Variants in TM6SF1 observed in about 807,000 individuals in gnomAD.
TM6SF1 encodes transmembrane 6 superfamily member 1.
In TM6SF1, 43 loss-of-function variants were observed where a neutral mutation model predicts 47.1. The ratio of observed to expected loss-of-function variants is 0.91; its 90% CI spans 0.72 to 1.18. The LOEUF (loss-of-function observed/expected upper bound fraction) is 1.18. TM6SF1 is among the 50% of genes most tolerant of loss of function. TM6SF1 has a pLI of 0.00. For missense variants in TM6SF1, 390 were observed against 449.0 expected (o/e 0.87, Z 1.19); for synonymous variants, 177 against 166.3 (o/e 1.06, Z -0.49).
At chr15:83,124,633 C>A in intron 6 of TM6SF1, 39 bp from the exon 7 acceptor site, 1 of 1,501,994 alleles carries the variant, frequency 6.7e-7, no homozygotes, top group Non-Finnish European at 9.2e-7. Context: ...TCTTCTTTGG[C>A]ACTTTGGGCC....
chr15:83,112,981 T>C (rs2034325715), intron 2 of TM6SF1, 81 bp downstream of exon 2: 1 of 1,175,984 alleles, frequency 8.5e-7, no homozygotes, highest in African/African-American at 1.5e-5. Flanking sequence ...TCCTCCTTGG[T>C]TGTGAATACT....
At chr15:83,122,619 T>G in intron 5 of TM6SF1, 138 bp from the exon 6 acceptor site, 1 of 859,558 alleles carries the variant, frequency 1.2e-6, no homozygotes, top group Non-Finnish European at 1.8e-6. Flanking sequence ...TAAATTGACC[T>G]TTTTAATTTG....
chr15:83,119,839 T>G, intron 4 of TM6SF1, 158 bp downstream of exon 4: 2 of 1,129,940 alleles, frequency 1.8e-6, no homozygotes, highest in Non-Finnish European at 1.2e-6. Context: ...ATCCTCCTTG[T>G]ACCACTGCCT....
intron 4 of TM6SF1, among the ~76,000 whole-genome samples, chr15:83,120,587 CTT>C (rs993490763): frequency 3.4e-4 from 43 of 125,900 alleles, no homozygotes; most frequent in South Asian, 8.5e-4. Flanking sequence ...CCAGCTAATT[CTT>C]TTTTTTTTTT....
At chr15:83,121,093 C>T (rs758314965) in intron 4 of TM6SF1, among the ~76,000 whole-genome samples, 11 of 151,306 alleles carry the variant, frequency 7.3e-5, no homozygotes, top group Non-Finnish European at 1.3e-4. Context: ...TATTTTGAGA[C>T]GGAGTCTCGC....
chr15:83,123,722 A>C (rs1463810998), intron 6 of TM6SF1, among the ~76,000 whole-genome samples: 1 of 152,236 alleles, frequency 6.6e-6, no homozygotes, highest in East Asian at 1.9e-4. Context: ...GCTGTTAAAA[A>C]GAAAAAGCAA....
At chr15:83,123,029 C>T (rs2035417177) in intron 6 of TM6SF1, 151 bp downstream of exon 6, 6 of 847,628 alleles carry the variant, frequency 7.1e-6, no homozygotes, top group Admixed American at 3.0e-5. Context: ...CATTAGCTTA[C>T]GTATTAATTA....
Position 83,124,843 on chromosome 15 carries a change from T to G in TM6SF1, c.708+67T>G, listed in dbSNP as rs1489580371. 6 of 1,335,816 alleles carry G rather than the reference T, an allele frequency of 4.5e-6. No individual in the cohort carries two copies. The Admixed American group carries it at 1.1e-4, about 24-fold the overall frequency. The allele number at this position is 1,335,816 out of a possible 1,614,324, so 82.7% of individuals were successfully genotyped here. ...CTCACATTTCCAAATGGAAAAAAAC[T>G]TAGAAATATGTTTTTGTTTTTCCAT... On this transcript the variant is annotated intron_variant, in intron 7 of 9. Transcript: ENST00000322019.
intron 3 of TM6SF1, among the ~76,000 whole-genome samples, chr15:83,117,550 A>G (rs887302102): frequency 6.6e-6 from 1 of 152,294 alleles, no homozygotes; most frequent in Non-Finnish European, 1.5e-5. Flanking sequence ...AGTGGGGGCC[A>G]TGGAGCCCAG....
rs772960781 is a variant in TM6SF1 at position 83,136,434 on chromosome 15, TGAA to T, written c.922-46_922-44del. The T allele has an allele frequency of 4.6e-6, 7 of 1,512,114 alleles. No individual in the cohort carries two copies. The East Asian group carries it at 1.6e-4, about 34-fold the overall frequency. 93.7% of individuals were successfully genotyped at this position (1,512,114 alleles called of 1,614,324 possible). On this transcript the variant is annotated intron_variant, in intron 9 of 9. Transcript: ENST00000322019. Reference sequence around the variant, plus strand: ...ATTCAGAACTCATCATGCATCCAACTGAACACGTTTCATGCTTACTCAATTTTT... The same window carrying T: ...ATTCAGAACTCATCATGCATCCAACTCACGTTTCATGCTTACTCAATTTTT...
intron 9 of TM6SF1, chr15:83,136,266 G>T (rs1446241248): frequency 2.4e-6 from 1 of 413,134 alleles, no homozygotes; most frequent in African/African-American, 2.0e-5. Context: ...TATTTGAACA[G>T]TCATATCAAG....
intron 1 of TM6SF1, among the ~76,000 whole-genome samples, chr15:83,111,877 T>G (rs1202757582): frequency 6.6e-6 from 1 of 152,214 alleles, no homozygotes; most frequent in Non-Finnish European, 1.5e-5. Context: ...TCCTAGGGCC[T>G]GCAACAATGG....
chr15:83,127,806 C>T (rs532748574), intron 9 of TM6SF1: 87 of 274,982 alleles, frequency 3.2e-4, no homozygotes, highest in African/African-American at 2.0e-3. Flanking sequence ...ACCATGGCTA[C>T]TAAAAAAGGA....
chr15:83,127,929 T>C lies in TM6SF1; in HGVS notation c.921+452T>C, dbSNP rs558068296. The C allele has an allele frequency of 5.1e-5, 8 of 157,816 alleles. No homozygotes were observed. The South Asian group carries it at 1.5e-3, about 29-fold the overall frequency. The allele number at this position is 157,816 out of a possible 1,614,324, so 9.8% of individuals were successfully genotyped here. A position where few individuals can be genotyped will look rare whatever the true frequency, so the allele number is the denominator to read the frequency against. ...TTTAAAAAATGTTCTGGGCCTGTCA[T>C]TTCATTCCTTTTCCGCTGGCACCTT... On this transcript the variant is annotated intron_variant, in intron 9 of 9. Coordinates refer to ENST00000322019, the MANE Select transcript of TM6SF1 (RefSeq NM_023003.5).
At chr15:83,112,359 T>C (rs995332017) in intron 1 of TM6SF1, among the ~76,000 whole-genome samples, 1 of 152,186 alleles carries the variant, frequency 6.6e-6, no homozygotes, top group Admixed American at 6.5e-5. Flanking sequence ...GCCTATATAT[T>C]CCTTGGAGCT....
At chr15:83,133,662 G>A (rs1190947687) in intron 9 of TM6SF1, 1 of 152,210 alleles carries the variant, frequency 6.6e-6, no homozygotes, top group African/African-American at 2.4e-5. Context: ...TGAGTTCACT[G>A]AGCCACCTGA....
chr15:83,136,551 C>T lies in TM6SF1; in HGVS notation c.992C>T (p.Ala331Val). The change falls in exon 10 of 10, where the codon GCA becomes GTA. Residue 331 changes from alanine to valine, a missense_variant. Physicochemically the swap from Ala to Val is moderately conservative, Grantham distance 64. Coordinates refer to ENST00000322019, the MANE Select transcript of TM6SF1 (RefSeq NM_023003.5). The part of the protein sequence containing the change: ...TAYVYRVPEE[A>V]KILFLALNIA... ...TATGTCTACAGAGTCCCTGAAGAAG[C>T]AAAAATCCTTTTTTTAGCATTAAAC... The T allele has an allele frequency of 1.2e-6, 2 of 1,613,490 alleles. No homozygotes were observed. The highest frequency in any genetic ancestry group is 2.2e-5 in the South Asian group (2 of 90,980).
chr15:83,122,677 T>A (rs2151365119), intron 5 of TM6SF1, 80 bp from the exon 6 acceptor site: 1 of 1,513,062 alleles, frequency 6.6e-7, no homozygotes, highest in East Asian at 2.3e-5. Flanking sequence ...TTAGATGACC[T>A]GAGATGGGGA....
chr15:83,131,496 G>A (rs1024023511), intron 9 of TM6SF1: 1 of 152,356 alleles, frequency 6.6e-6, no homozygotes, highest in African/African-American at 2.4e-5. Flanking sequence ...GCTGGGTGTG[G>A]TGGTGGGCAT....
Sources: gnomAD v4.1 joint callset for allele counts (sites outside exome capture counted in the v4.1 genomes callset) on GRCh38, gnomAD v4.1.1 for gene constraint, MANE v1.5 for transcripts, NCBI Gene and HGNC (gene_info 2026-07-23, HGNC 2026-07-21) for gene names.